Variants in RANBP2 observed in about 807,000 individuals in gnomAD.
The protein encoded by RANBP2 is E3 SUMO-protein ligase RanBP2.
A neutral mutation model predicts 303.6 loss-of-function variants in RANBP2; 57 were observed. The observed-to-expected ratio is 0.19, with a 90% confidence interval of 0.15 to 0.23. RANBP2 has a LOEUF of 0.23. Ranked by LOEUF, RANBP2 falls within the 10% of genes least tolerant of loss-of-function variation. The probability of loss-of-function intolerance (pLI) is 1.00; values close to 1 mark genes in which losing one functional copy is unlikely to be tolerated. For missense variants in RANBP2, 3,138 were observed against 3,780.8 expected (o/e 0.83, Z 4.46); for synonymous variants, 1,167 against 1,301.5 (o/e 0.90, Z 2.23).
the RANBP2 span, among the ~76,000 whole-genome samples, chr2:108,854,003 T>TATATATA: frequency 0.013 from 77 of 5,896 alleles, 1 homozygote; most frequent in Middle Eastern, 0.1. Context: ...AAATTTATAT[T>TATATATA]ATATATAATA....
the RANBP2 span, chr2:108,911,099 A>T: frequency 6.2e-7 from 1 of 1,613,726 alleles, no homozygotes; most frequent in Non-Finnish European, 8.5e-7. Flanking sequence ...GGCATGAATG[A>T]CCCAGAGCTC....
chr2:109,086,454 G>C, the RANBP2 span, among the ~76,000 whole-genome samples: 1 of 152,164 alleles, frequency 6.6e-6, no homozygotes, highest in East Asian at 1.9e-4. Context: ...TGGGGGTCTC[G>C]TTTTACTTTA....
the RANBP2 span, among the ~76,000 whole-genome samples, chr2:109,603,580 T>A: frequency 9.2e-5 from 14 of 152,116 alleles, no homozygotes; most frequent in Non-Finnish European, 1.8e-4. Context: ...AAGGACAGAA[T>A]AACAGACCCC....
At chr2:109,507,315 C>G in the RANBP2 span, among the ~76,000 whole-genome samples, 18 of 152,226 alleles carry the variant, frequency 1.2e-4, no homozygotes, top group Non-Finnish European at 1.0e-4. Flanking sequence ...TCAGGACCTT[C>G]TAGGGCTGAG....
At chr2:109,666,901 G>T in the RANBP2 span, among the ~76,000 whole-genome samples, 1 of 152,182 alleles carries the variant, frequency 6.6e-6, no homozygotes, top group Admixed American at 6.5e-5. Context: ...TGGTTTTCTG[G>T]AAGAGTTGCA....
the RANBP2 span, among the ~76,000 whole-genome samples, chr2:109,453,963 G>A: frequency 6.6e-6 from 1 of 152,206 alleles, no homozygotes; most frequent in Non-Finnish European, 1.5e-5. Context: ...GGAGGGCCTC[G>A]TTGCCAACTG....
the RANBP2 span, among the ~76,000 whole-genome samples, chr2:109,367,307 GTCTTGC>G: frequency 9.8e-3 from 1,466 of 150,356 alleles, 26 homozygotes; most frequent in African/African-American, 0.034. Context: ...TTTAGATGGA[GTCTTGC>G]TCTTGCCACC....
chr2:109,070,110 G>A, the RANBP2 span, among the ~76,000 whole-genome samples: 13 of 152,274 alleles, frequency 8.5e-5, no homozygotes, highest in African/African-American at 3.1e-4. Flanking sequence ...GAGACTATAC[G>A]TTCAAAGGGT....
At chr2:109,568,037 GT>G in the RANBP2 span, 1 of 1,288,130 alleles carries the variant, frequency 7.8e-7, no homozygotes, top group Non-Finnish European at 1.1e-6. Context: ...TCCTGCAGCT[GT>G]TTTTTCACTC....
chr2:109,439,107 C>G, the RANBP2 span, among the ~76,000 whole-genome samples: 2 of 152,170 alleles, frequency 1.3e-5, no homozygotes, highest in Non-Finnish European at 2.9e-5. Context: ...CTGCCAGTCA[C>G]TTCTCCCTCT....
chr2:108,821,599 G>A, the RANBP2 span, among the ~76,000 whole-genome samples: 1 of 152,026 alleles, frequency 6.6e-6, no homozygotes, highest in Non-Finnish European at 1.5e-5. Flanking sequence ...AAGGAAAGGA[G>A]GGACAAAAAA....
chr2:109,666,086 G>C, the RANBP2 span, among the ~76,000 whole-genome samples: 1 of 150,496 alleles, frequency 6.6e-6, no homozygotes, highest in Non-Finnish European at 1.5e-5. Flanking sequence ...ACTCCAGCCT[G>C]GCAAAAGAGA....
At chr2:109,498,045 C>A in the RANBP2 span, among the ~76,000 whole-genome samples, 44 of 152,130 alleles carry the variant, frequency 2.9e-4, no homozygotes, top group African/African-American at 1.1e-3. Context: ...TTTCACAGAC[C>A]GCTGGCTGCA....
At chr2:108,841,975 A>G in the RANBP2 span, among the ~76,000 whole-genome samples, 1 of 152,030 alleles carries the variant, frequency 6.6e-6, no homozygotes, top group African/African-American at 2.4e-5. Context: ...GATGGAGAGT[A>G]CCCCTCCAAT....
At chr2:109,437,055 C>T in the RANBP2 span, 1 of 1,613,842 alleles carries the variant, frequency 6.2e-7, no homozygotes, top group East Asian at 2.2e-5. Context: ...AGGCCCACGC[C>T]CAGCACCCCA....
the RANBP2 span, among the ~76,000 whole-genome samples, chr2:108,889,036 A>G: frequency 6.6e-6 from 1 of 150,946 alleles, no homozygotes. Context: ...TTAAATTTTC[A>G]TATTAATTTC....
At chr2:108,986,556 T>G in the RANBP2 span, among the ~76,000 whole-genome samples, 1 of 152,194 alleles carries the variant, frequency 6.6e-6, no homozygotes, top group Non-Finnish European at 1.5e-5. Context: ...TACTGAGTGC[T>G]AACCTAGACC....
At chr2:109,661,449 T>C in the RANBP2 span, among the ~76,000 whole-genome samples, 2 of 152,154 alleles carry the variant, frequency 1.3e-5, no homozygotes, top group Admixed American at 1.3e-4. Context: ...GGTTTCACCA[T>C]GTTGGCCAGG....
the RANBP2 span, among the ~76,000 whole-genome samples, chr2:109,047,272 A>G: frequency 8.7e-4 from 132 of 152,282 alleles, no homozygotes; most frequent in Non-Finnish European, 1.5e-3. Context: ...TGCAACAGCT[A>G]GTGATTAGGT....
Sources: gnomAD v4.1 joint callset for allele counts (sites outside exome capture counted in the v4.1 genomes callset) on GRCh38, gnomAD v4.1.1 for gene constraint, MANE v1.5 for transcripts, NCBI Gene and HGNC (gene_info 2026-07-23, HGNC 2026-07-21) for gene names.